The following DNAJA4 variants were observed in gnomAD, a reference collection of about 807,000 sequenced individuals.
DNAJA4 encodes dnaJ homolog subfamily A member 4.
DNAJA4 carries 32 observed loss-of-function variants against 39.7 expected under a neutral mutation model. The observed-to-expected ratio is 0.81, with a 90% CI of 0.61 to 1.08. The LOEUF is 1.08. Among genes scored for constraint, DNAJA4 ranks in the 50% least tolerant of loss-of-function variants. The probability of loss-of-function intolerance (pLI) is 0.00; values close to 1 mark genes in which losing one functional copy is unlikely to be tolerated. For synonymous variants in DNAJA4, 184 were observed against 182.4 expected (o/e 1.01, Z -0.07); for missense variants, 439 against 505.1 (o/e 0.87, Z 1.25).
At chr15:78,272,054 T>C (rs1048842302) in intron 2 of DNAJA4, among the ~76,000 whole-genome samples, 1 of 152,202 alleles carries the variant, frequency 6.6e-6, no homozygotes, top group Non-Finnish European at 1.5e-5. Context: ...CGCCTGCTCC[T>C]ATAATTGATG....
chr15:78,264,750 C>CTT lies in DNAJA4; in HGVS notation c.-14_-13insTT. The CTT allele has an allele frequency of 6.4e-7, 1 of 1,571,498 alleles. No individual in the cohort carries two copies. Among genetic ancestry groups the CTT allele is most frequent in the Non-Finnish European group, 8.6e-7 (1 of 1,156,372 alleles). Reference sequence around the variant, plus strand: ...GCTCTGACCGGCCTCGCCCGCCCCCCCCGCAGACACAAGATGGTGAAGGAG... The same window carrying CTT: ...GCTCTGACCGGCCTCGCCCGCCCCCCTTCCGCAGACACAAGATGGTGAAGGAG... On this transcript the variant is annotated 5_prime_UTR_variant, in exon 1 of 7. Transcript: ENST00000394852.
intron 2 of DNAJA4, among the ~76,000 whole-genome samples, chr15:78,271,870 G>A (rs937846203): frequency 6.6e-6 from 1 of 152,212 alleles, no homozygotes; most frequent in Non-Finnish European, 1.5e-5. Flanking sequence ...TGGGGTTTAA[G>A]AAGTGTGGCT....
At chr15:78,271,787 T>C (rs908582743) in intron 2 of DNAJA4, among the ~76,000 whole-genome samples, 7 of 152,222 alleles carry the variant, frequency 4.6e-5, no homozygotes, top group African/African-American at 1.7e-4. Flanking sequence ...CAGGCTGCTT[T>C]GGATCTTGAA....
At chr15:78,277,984 T>C in intron 5 of DNAJA4, 1 of 453,550 alleles carries the variant, frequency 2.2e-6, no homozygotes. Context: ...CCCTCTTTTG[T>C]GTTGGCTTAT....
intron 2 of DNAJA4, among the ~76,000 whole-genome samples, chr15:78,272,049 G>A (rs1462996479): frequency 6.6e-6 from 1 of 152,218 alleles, no homozygotes; most frequent in Non-Finnish European, 1.5e-5. Context: ...CATATCGCCT[G>A]CTCCTATAAT....
At position 78,279,820 on chromosome 15, in the gene DNAJA4, C is replaced by A; in HGVS notation, c.878-225C>A. On this transcript the variant is annotated intron_variant, in intron 5 of 6. Transcript: ENST00000394852. This position sits in a 1 kb window ranked among gnomAD's most constrained non-coding sequence, Gnocchi z 4.5. ...TGCACCATGCTGCCCTCTTGACACA[C>A]TGCTGGAGCCCAGAGCACAGGCCAG... 1 of 589,628 alleles carries A rather than the reference C, an allele frequency of 1.7e-6. No individual in the cohort carries two copies. Among genetic ancestry groups the A allele is most frequent in the Non-Finnish European group, 3.0e-6 (1 of 331,424 alleles). The allele number at this position is 589,628 out of a possible 1,614,324, so 36.5% of individuals were successfully genotyped here.
intron 1 of DNAJA4, 198 bp from the exon 2 acceptor site, chr15:78,270,299 T>A: frequency 1.8e-6 from 1 of 560,986 alleles, no homozygotes; most frequent in East Asian, 3.0e-5. Context: ...TCCCTTAATA[T>A]GTTTGCCCTG....
upstream of DNAJA4, chr15:78,264,304 G>T (rs1228570291): frequency 2.2e-6 from 3 of 1,388,050 alleles, no homozygotes; most frequent in Non-Finnish European, 2.8e-6. Context: ...CGCCTTCTCC[G>T]GCCCCCGCCA....
rs778208624 is a variant in DNAJA4 at position 78,275,564 on chromosome 15, G to A, written c.713G>A (p.Gly238Asp). ...GATCAGGAGCCTGAGCTGGAGCCTG[G>A]TGATGTCATAATTGTGCTTGATCAG... ...EGDQEPELEPGDVIIVLDQKD... is the reference protein window; with the variant it reads ...EGDQEPELEPDDVIIVLDQKD... The change falls in exon 5 of 7, where the codon GGT becomes GAT. Residue 238 changes from glycine to aspartate, a missense_variant. Gly to Asp is a moderately conservative substitution (Grantham distance 94). Coordinates refer to ENST00000394852, the MANE Select transcript of DNAJA4 (RefSeq NM_001130182.2). 18 of 1,614,184 alleles carry A rather than the reference G, an allele frequency of 1.1e-5. No homozygotes were observed. The South Asian group carries it at 1.9e-4, about 17-fold the overall frequency.
chr15:78,274,788 C>T, intron 4 of DNAJA4: 1 of 322,622 alleles, frequency 3.1e-6, no homozygotes, highest in Non-Finnish European at 5.9e-6. Context: ...GCTTCTGATG[C>T]TCATTGGCCA....
At chr15:78,277,900 T>TG (rs34671898) in intron 5 of DNAJA4, 1 of 371,108 alleles carries the variant, frequency 2.7e-6, no homozygotes, top group South Asian at 2.1e-5. Context: ...GAGAGTTCTT[T>TG]GGGGATTTGT....
chr15:78,264,220 G>A (rs574167280), upstream of DNAJA4: 2 of 915,128 alleles, frequency 2.2e-6, no homozygotes, highest in Non-Finnish European at 1.5e-6. Flanking sequence ...CCGGCTCCAC[G>A]GACCCACGGA....
rs1368405189 is a variant in DNAJA4 at position 78,264,589 on chromosome 15, G to A, written c.-175G>A. 7 of 1,180,950 alleles carry A rather than the reference G, an allele frequency of 5.9e-6. No individual in the cohort carries two copies. Among genetic ancestry groups the A allele is most frequent in the Non-Finnish European group, 7.3e-6 (7 of 955,726 alleles). The allele number at this position is 1,180,950 out of a possible 1,614,324, so 73.2% of individuals were successfully genotyped here. A position where few individuals can be genotyped will look rare whatever the true frequency, so the allele number is the denominator to read the frequency against. The stretch of plus-strand genomic sequence containing the variant: ...TGCGGTGGAGCCAGGCGTGGAAGTC[G>A]GTCCGGCGCGGGGCGGGGGGCGGGC... On this transcript the variant is annotated 5_prime_UTR_variant, in exon 1 of 7. Transcript: ENST00000394852.
intron 1 of DNAJA4, chr15:78,266,406 G>A (rs2141426341): frequency 1.2e-6 from 1 of 855,276 alleles, no homozygotes; most frequent in East Asian, 2.7e-5. Flanking sequence ...GTTTCACCCT[G>A]TCTATACCTG....
chr15:78,270,953 T>C (rs1192376470), intron 2 of DNAJA4, among the ~76,000 whole-genome samples: 1 of 152,110 alleles, frequency 6.6e-6, no homozygotes, highest in Non-Finnish European at 1.5e-5. Flanking sequence ...TAGTCTCCGC[T>C]ACTTCTTGAG....
At chr15:78,266,157 C>T in intron 1 of DNAJA4, 2 of 1,467,498 alleles carry the variant, frequency 1.4e-6, no homozygotes, top group Admixed American at 3.7e-5. Flanking sequence ...CTGCTCCCTA[C>T]ATTCATTGTG....
At chr15:78,278,302 C>T in intron 5 of DNAJA4, 1 of 455,884 alleles carries the variant, frequency 2.2e-6, no homozygotes, top group Non-Finnish European at 4.4e-6. Flanking sequence ...GAAGCGACAC[C>T]TGATAGGAAT....
rs372939054 is a variant in DNAJA4 at position 78,276,391 on chromosome 15, C to T, written c.877+663C>T. ...GAGCCAGAGGGAGATGCCTCTAGGC[C>T]GAAAGGGTTCCTGAGGCCTGAGCTC... On this transcript the variant is annotated intron_variant, in intron 5 of 6. Transcript: ENST00000394852. 1.1e-4 allele frequency among the ~76,000 whole-genome samples: 17 copies of T among 152,196 alleles called. 1 individual carries two copies. Among genetic ancestry groups the T allele is most frequent in the East Asian group, 3.9e-4 (2 of 5,190 alleles).
chr15:78,274,553 C>A (rs2049393723), intron 4 of DNAJA4, 129 bp downstream of exon 4: 3 of 783,036 alleles, frequency 3.8e-6, no homozygotes, highest in Non-Finnish European at 6.3e-6. Flanking sequence ...GCCATGAATT[C>A]CTCTTGTTTC....
Sources: allele counts gnomAD v4.1 joint callset (sites outside exome capture counted in the v4.1 genomes callset), GRCh38; gene constraint gnomAD v4.1.1; non-coding constraint Gnocchi (gnomAD v3.1); transcripts MANE v1.5; gene names NCBI Gene and HGNC (gene_info 2026-07-23, HGNC 2026-07-21).